Variants in SLMAP observed in about 807,000 individuals in gnomAD.
SLMAP encodes sarcolemma associated protein.
A neutral mutation model predicts 128.8 loss-of-function variants in SLMAP; 44 were observed. The ratio of observed to expected loss-of-function variants is 0.34; its 90% CI spans 0.27 to 0.44. The LOEUF is 0.44. Among genes scored for constraint, SLMAP ranks in the 20% least tolerant of loss-of-function variants. The pLI, the probability that SLMAP is intolerant of heterozygous loss-of-function variation, is 1.00. For missense variants in SLMAP, 787 were observed against 985.3 expected (o/e 0.80, Z 2.69); for synonymous variants, 327 against 348.8 (o/e 0.94, Z 0.70).
At chr3:57,906,796 G>A (rs1169321266) in intron 17 of SLMAP, among the ~76,000 whole-genome samples, 1 of 151,046 alleles carries the variant, frequency 6.6e-6, no homozygotes, top group African/African-American at 2.4e-5. Context: ...ATAAACCAAG[G>A]TGATACTCAA....
intron 2 of SLMAP, among the ~76,000 whole-genome samples, chr3:57,764,096 T>C (rs2079187717): frequency 6.6e-6 from 1 of 152,306 alleles, no homozygotes. Context: ...GACTAGATAG[T>C]GTGGTGCCAG....
chr3:57,757,928 A>T, intron 2 of SLMAP, 79 bp downstream of exon 2: 1 of 1,245,660 alleles, frequency 8.0e-7, no homozygotes, highest in Non-Finnish European at 1.2e-6. Flanking sequence ...GGACTAATGT[A>T]TGCAGGATCC....
Position 57,862,091 on chromosome 3 carries a change from G to A in SLMAP, c.966+5G>A. On this transcript the variant is annotated splice_donor_5th_base_variant and intron_variant, in intron 10 of 24. Transcript: ENST00000671191. Reference sequence around the variant, plus strand: ...GATTTATCTGATAAATTAAAGGTATGTATTTACTCTGCCTGAAAGTATGTT... The same window carrying A: ...GATTTATCTGATAAATTAAAGGTATATATTTACTCTGCCTGAAAGTATGTT... 6.4e-7 allele frequency: 1 copy of A among 1,559,628 alleles called. No homozygotes were observed. Among genetic ancestry groups the A allele is most frequent in the South Asian group, 1.1e-5 (1 of 89,638 alleles).
At chr3:57,809,707 C>G (rs1207567978) in intron 2 of SLMAP, among the ~76,000 whole-genome samples, 1 of 152,124 alleles carries the variant, frequency 6.6e-6, no homozygotes, top group Non-Finnish European at 1.5e-5. Flanking sequence ...ACTCACAGAC[C>G]AACTGGCTCA....
At chr3:57,894,331 A>G (rs1019402748) in intron 15 of SLMAP, among the ~76,000 whole-genome samples, 8 of 152,220 alleles carry the variant, frequency 5.3e-5, no homozygotes, top group African/African-American at 1.4e-4. Context: ...CATATTATAC[A>G]TACTGCTCTT....
chr3:57,833,491 C>T (rs1430240296), intron 3 of SLMAP, among the ~76,000 whole-genome samples: 1 of 152,078 alleles, frequency 6.6e-6, no homozygotes, highest in East Asian at 1.9e-4. Flanking sequence ...GCACCATCTC[C>T]AGTCACTGCA....
chr3:57,847,361 T>C, intron 5 of SLMAP, 128 bp downstream of exon 5: 1 of 596,422 alleles, frequency 1.7e-6, no homozygotes, highest in South Asian at 2.4e-5. Context: ...TGCATATAGC[T>C]ATATAGTTAT....
At chr3:57,870,655 G>T (rs1366560662) in intron 13 of SLMAP, among the ~76,000 whole-genome samples, 1 of 152,172 alleles carries the variant, frequency 6.6e-6, no homozygotes, top group Non-Finnish European at 1.5e-5. Flanking sequence ...TGCCTCTCAT[G>T]CAAAGTTGAG....
intron 14 of SLMAP, among the ~76,000 whole-genome samples, chr3:57,883,192 T>G (rs2153636430): frequency 6.6e-6 from 1 of 152,220 alleles, no homozygotes; most frequent in African/African-American, 2.4e-5. Flanking sequence ...GAATAGAGGC[T>G]TAGTGAGGAG....
intron 24 of SLMAP, 51 bp from the exon 25 acceptor site, chr3:57,927,245 T>G: frequency 8.1e-7 from 1 of 1,231,792 alleles, no homozygotes; most frequent in Non-Finnish European, 1.2e-6. Context: ...TTAATAGGTA[T>G]GAAAAGAGAG....
chr3:57,783,988 C>T (rs75398696), intron 2 of SLMAP, among the ~76,000 whole-genome samples: 2,782 of 152,232 alleles, frequency 0.018, 75 homozygotes, highest in African/African-American at 0.063. Flanking sequence ...GCCATAAACT[C>T]TGGTGGTGTA....
rs768269971 is a variant in SLMAP, at chr3:57,896,507, G to T, written c.1361-4G>T. 6.3e-6 allele frequency: 10 copies of T among 1,590,804 alleles called. No individual in the cohort carries two copies. The highest frequency in any genetic ancestry group is 1.4e-5 in the African/African-American group (1 of 73,262). On this transcript the variant is annotated splice_polypyrimidine_tract_variant and splice_region_variant and intron_variant, in intron 15 of 24. Coordinates refer to ENST00000671191, the MANE Select transcript of SLMAP (RefSeq NM_001377540.1). ...AGATTTTACTTTTATTTTTTTCTTG[G>T]TAGAAAATCAGACAAGAGCAAAAGA...
At chr3:57,868,795 AATAT>A (rs3037511) in intron 13 of SLMAP, among the ~76,000 whole-genome samples, 136 of 124,672 alleles carry the variant, frequency 1.1e-3, no homozygotes, top group Middle Eastern at 3.8e-3. Flanking sequence ...GAACTAATGG[AATAT>A]ATATATATAT....
In SLMAP at chr3:57,871,686, A is replaced by C; in HGVS notation, c.1288A>C (p.Ile430Leu). ...GGDCTFIHQFIECQKKLIVEG... is the reference protein window; with the variant it reads ...GGDCTFIHQFLECQKKLIVEG... ...GGACTGCACTTTTATTCATCAATTC[A>C]TAGAATGCCAGAGTGAGTACAGAGT... Residue 430 changes from isoleucine (I) to leucine (L), a missense_variant, in exon 14 of 25, where the codon ATA (isoleucine) becomes CTA (leucine). By Grantham distance (5) the Ile-to-Leu change is conservative. Transcript: ENST00000671191. 6.2e-7 allele frequency: 1 copy of C among 1,611,394 alleles called. No homozygotes were observed. Among genetic ancestry groups the C allele is most frequent in the Non-Finnish European group, 8.5e-7 (1 of 1,177,918 alleles).
chr3:57,810,310 C>T (rs1016565099), intron 2 of SLMAP, among the ~76,000 whole-genome samples: 2 of 152,184 alleles, frequency 1.3e-5, no homozygotes, highest in Admixed American at 6.5e-5. Context: ...CCTGGCTTGC[C>T]GTTGGCAGGC....
intron 2 of SLMAP, among the ~76,000 whole-genome samples, chr3:57,788,260 C>G (rs2084668692): frequency 6.6e-6 from 1 of 152,094 alleles, no homozygotes; most frequent in South Asian, 2.1e-4. Flanking sequence ...CTGCTTTTTC[C>G]TTTAGGAACA....
In SLMAP at chr3:57,777,716, AAC is replaced by A. The variant is rs2082211439; in HGVS notation, c.198+19869_198+19870del. Reference sequence around the variant, plus strand: ...ATAAAAGACAACCCAACAGAAAAGAAACAGTCAAAAGACACACATAAGAATTT... The same window carrying A: ...ATAAAAGACAACCCAACAGAAAAGAAAGTCAAAAGACACACATAAGAATTT... On this transcript the variant is annotated intron_variant, in intron 2 of 24. Transcript: ENST00000671191. 2.0e-5 allele frequency among the ~76,000 whole-genome samples: 3 copies of A among 152,348 alleles called. No individual in the cohort carries two copies. In the South Asian group the frequency reaches 6.2e-4, roughly 32 times the overall value.
rs1014193057 is a variant in SLMAP, at chr3:57,858,128, T to C, written c.656T>C (p.Val219Ala). The C allele has an allele frequency of 1.2e-6, 2 of 1,602,710 alleles. No homozygotes were observed. Among genetic ancestry groups the C allele is most frequent in the East Asian group, 4.5e-5 (2 of 44,714 alleles). The part of the protein sequence containing the change: ...DEDRLLSRLE[V>A]MGNQLQACSK... ...GATAGACTCTTATCACGGTTAGAAG[T>C]TATGGGAAACCAATTACAGGCATGC... is the stretch of plus-strand genomic sequence containing the variant. The change falls in exon 8 of 25, where the codon GTT (valine) becomes GCT (alanine). Residue 219 changes from valine (V) to alanine (A), a missense_variant. This residue lies in a region of SLMAP where 715 missense variants were observed against 843.6 expected (regional missense o/e 0.85). Coordinates refer to ENST00000671191, the MANE Select transcript of SLMAP (RefSeq NM_001377540.1).
At position 57,849,780 on chromosome 3, in the gene SLMAP, C is replaced by A; in HGVS notation, c.483C>A (p.Tyr161Ter). The change falls in exon 6 of 25, where the codon TAC becomes TAA. Residue 161 changes from tyrosine to a stop codon, truncating the protein, a stop_gained. Coordinates refer to ENST00000671191, the MANE Select transcript of SLMAP (RefSeq NM_001377540.1). LOFTEE classifies it high-confidence loss of function. ...TTGCTGCTAACACTCCAAGTATGTACTCTCAGGAACTATTCCAGCTTTCTC... is the reference window on the plus strand; with the variant it reads ...TTGCTGCTAACACTCCAAGTATGTAATCTCAGGAACTATTCCAGCTTTCTC... ...DKVAANTPSM[Y>*]SQELFQLSQY... 1 of 1,575,852 alleles carries A rather than the reference C, an allele frequency of 6.3e-7. No individual in the cohort carries two copies. Among genetic ancestry groups the A allele is most frequent in the Non-Finnish European group, 8.7e-7 (1 of 1,145,200 alleles).
Sources: allele counts gnomAD v4.1 joint callset (sites outside exome capture counted in the v4.1 genomes callset), GRCh38; gene constraint gnomAD v4.1.1; regional missense constraint gnomAD v4.1.1; transcripts MANE v1.5; gene names NCBI Gene and HGNC (gene_info 2026-07-23, HGNC 2026-07-21).